Variants in NRXN2 observed in about 807,000 individuals in gnomAD.
NRXN2 encodes the protein neurexin 2.
In NRXN2, 29 loss-of-function variants were observed where a neutral mutation model predicts 128.8. The observed-to-expected ratio is 0.23, with a 90% CI of 0.17 to 0.31. The LOEUF (loss-of-function observed/expected upper bound fraction) is 0.31, where lower values mean the gene tolerates loss of function less well. NRXN2 is among the 10% of genes least tolerant of loss of function. NRXN2 has a pLI of 1.00. For missense variants in NRXN2, 1,881 were observed against 2,452.6 expected (o/e 0.77, Z 4.92); for synonymous variants, 1,098 against 1,075.2 (o/e 1.02, Z -0.41).
At chr11:64,661,409 C>G in intron 9 of NRXN2, 1 of 1,375,746 alleles carries the variant, frequency 7.3e-7, no homozygotes, top group South Asian at 1.5e-5. Context: ...CCCCTCCTCC[C>G]CACCTCAGCA....
intron 11 of NRXN2, 137 bp from the exon 12 acceptor site, chr11:64,653,859 G>A (rs780255352): frequency 3.9e-5 from 25 of 638,620 alleles, no homozygotes; most frequent in South Asian, 2.8e-4. Context: ...GGGACCACGC[G>A]TGCCCAGGTG....
At chr11:64,640,237 C>T (rs2045460724) in intron 17 of NRXN2, among the ~76,000 whole-genome samples, 1 of 152,178 alleles carries the variant, frequency 6.6e-6, no homozygotes, top group African/African-American at 2.4e-5. Flanking sequence ...CTCTTCTGGC[C>T]ACTTTCAATC....
chr11:64,720,569 T>C (rs1191280273), intron 1 of NRXN2, among the ~76,000 whole-genome samples: 1 of 151,218 alleles, frequency 6.6e-6, no homozygotes, highest in Non-Finnish European at 1.5e-5. Flanking sequence ...CCAGGAGGGG[T>C]AGGAGGCCCT....
chr11:64,720,152 C>T (rs530455764), intron 1 of NRXN2, among the ~76,000 whole-genome samples: 13 of 152,228 alleles, frequency 8.5e-5, no homozygotes, highest in Non-Finnish European at 1.8e-4. Context: ...CCCACCTTCA[C>T]CCTCACCCCA....
At chr11:64,712,309 T>C (rs2135671712) in intron 2 of NRXN2, among the ~76,000 whole-genome samples, 1 of 148,378 alleles carries the variant, frequency 6.7e-6, no homozygotes, top group African/African-American at 2.5e-5. Context: ...ACACTGGCCT[T>C]CCACACAGGC....
At chr11:64,675,250 AG>A (rs1190188296) in intron 7 of NRXN2, 1 of 152,338 alleles carries the variant, frequency 6.6e-6, no homozygotes, top group African/African-American at 2.4e-5. Context: ...TGGAACACCA[AG>A]ACCACTGGGA....
At chr11:64,721,298 G>A (rs941398400) in intron 1 of NRXN2, among the ~76,000 whole-genome samples, 6 of 151,836 alleles carry the variant, frequency 4.0e-5, no homozygotes, top group Non-Finnish European at 4.4e-5. Context: ...CCAGCCACTC[G>A]CGCACCCAGC....
chr11:64,712,939 A>G, intron 2 of NRXN2, 31 bp downstream of exon 2: 2 of 1,492,872 alleles, frequency 1.3e-6, no homozygotes, highest in Admixed American at 2.1e-5. Context: ...CCCCGCGCCC[A>G]GGCACCGGGC....
rs2046989549 is a variant in NRXN2 at position 64,648,248 on chromosome 11, G to C, written c.3374C>G (p.Thr1125Ser). 6.2e-7 allele frequency: 1 copy of C among 1,614,110 alleles called. No homozygotes were observed. The highest frequency in any genetic ancestry group is 1.3e-5 in the African/African-American group (1 of 74,942). The change falls in exon 17 of 23, where the codon ACT (threonine) becomes AGT (serine). Residue 1125 changes from threonine (T) to serine (S), a missense_variant. Thr to Ser is a moderately conservative substitution (Grantham distance 58). Transcript: ENST00000265459. This position sits in a 1 kb window ranked among gnomAD's most constrained non-coding sequence, Gnocchi z 4.1. ...WDGFTCDCTM[T>S]SYGGPVCNDP... ...ATTGCAGACAGGGCCTCCATAGGAAGTCATGGTGCAGTCGCAGGTGAAGCC... is the reference window on the plus strand; with the variant it reads ...ATTGCAGACAGGGCCTCCATAGGAACTCATGGTGCAGTCGCAGGTGAAGCC...
At chr11:64,643,136 G>T (rs1156348322) in intron 17 of NRXN2, 1 of 981,018 alleles carries the variant, frequency 1.0e-6, no homozygotes, top group African/African-American at 1.8e-5. Context: ...GCATGGTGCC[G>T]AGTGGAGAGG....
Position 64,648,821 on chromosome 11 carries a change from G to A in NRXN2, c.3196C>T (p.Leu1066=), listed in dbSNP as rs1056603776. 34 of 1,614,194 alleles carry A rather than the reference G, an allele frequency of 2.1e-5. No individual in the cohort carries two copies. The highest frequency in any genetic ancestry group is 2.6e-5 in the Non-Finnish European group (31 of 1,180,028). Residue 1066 remains leucine, a synonymous_variant, in exon 16 of 23, where the codon CTG becomes TTG. Transcript: ENST00000265459. The surrounding 1 kb of genome is among the most constrained non-coding windows in gnomAD (Gnocchi z 4.1). ...CGTCCGTTGAGGTCCACTGAGGCCA[G>A]GCAGCCCTGAAAGCCATCCCGGGAG... is the stretch of plus-strand genomic sequence containing the variant. The part of the protein sequence containing the change: ...VASRDGFQGC[L]ASVDLNGRLP...
chr11:64,721,094 G>C (rs948583741), intron 1 of NRXN2, among the ~76,000 whole-genome samples: 1 of 151,930 alleles, frequency 6.6e-6, no homozygotes, highest in African/African-American at 2.4e-5. Context: ...TCTCTGGGTG[G>C]GGAGTGTGGG....
intron 22 of NRXN2, among the ~76,000 whole-genome samples, chr11:64,620,082 A>AC (rs1432343397): frequency 6.6e-6 from 1 of 152,232 alleles, no homozygotes; most frequent in Middle Eastern, 3.4e-3. Flanking sequence ...CAGGCTAAGG[A>AC]CCTCACTACC....
chr11:64,626,860 T>A (rs2043132076), intron 19 of NRXN2, among the ~76,000 whole-genome samples: 1 of 152,144 alleles, frequency 6.6e-6, no homozygotes. Context: ...CAGGTTTATC[T>A]GTGGTTAAGC....
At chr11:64,620,393 T>G (rs1053457192) in intron 21 of NRXN2, 21 bp from the exon 22 acceptor site, 27 of 1,546,180 alleles carry the variant, frequency 1.7e-5, no homozygotes, top group Non-Finnish European at 2.0e-5. Context: ...AGAGAAGGGG[T>G]GGGGAAAGAG....
intron 11 of NRXN2, among the ~76,000 whole-genome samples, chr11:64,657,016 G>C (rs1481737018): frequency 6.6e-6 from 1 of 152,188 alleles, no homozygotes; most frequent in Non-Finnish European, 1.5e-5. Flanking sequence ...GCCCAGCCTG[G>C]GGCCTGTTTC....
intron 2 of NRXN2, among the ~76,000 whole-genome samples, chr11:64,700,481 C>T (rs904087916): frequency 6.6e-6 from 1 of 152,166 alleles, no homozygotes; most frequent in Non-Finnish European, 1.5e-5. Flanking sequence ...ACCGTACTGA[C>T]CCTCACATGC....
chr11:64,651,490 G>C lies in NRXN2; in HGVS notation c.2683C>G (p.Gln895Glu). Residue 895 changes from glutamine to glutamate, a missense_variant, in exon 14 of 23, where the codon CAG becomes GAG. Coordinates refer to ENST00000265459, the MANE Select transcript of NRXN2 (RefSeq NM_015080.4). The surrounding 1 kb of genome is among the most constrained non-coding windows in gnomAD (Gnocchi z 5.9). Reference protein sequence around the residue: ...LVFNGQPYMDQCKDGDITYCE... With the variant: ...LVFNGQPYMDECKDGDITYCE... Reference sequence around the variant, plus strand: ...TAGGTGATGTCACCATCCTTGCACTGGTCCATGTAGGGCTGGCCATTGAAC... The same window carrying C: ...TAGGTGATGTCACCATCCTTGCACTCGTCCATGTAGGGCTGGCCATTGAAC... The C allele has an allele frequency of 6.2e-7, 1 of 1,614,158 alleles. No individual in the cohort carries two copies. Among genetic ancestry groups the C allele is most frequent in the Non-Finnish European group, 8.5e-7 (1 of 1,180,010 alleles).
chr11:64,716,025 C>T lies in NRXN2; in HGVS notation c.-244-2082G>A, dbSNP rs142695338. Among the ~76,000 whole-genome samples, 319 of 152,194 alleles carry T rather than the reference C, an allele frequency of 2.1e-3. 1 individual carries two copies. Among genetic ancestry groups the T allele is most frequent in the African/African-American group, 7.4e-3 (309 of 41,522 alleles). On this transcript the variant is annotated intron_variant, in intron 1 of 22. Coordinates refer to ENST00000265459, the MANE Select transcript of NRXN2 (RefSeq NM_015080.4). Reference sequence around the variant, plus strand: ...CTAAGCTTTCCCTCTTTTCCAGAAGCGGTAGCCAAAGACCCTCAGCAAAGG... The same window carrying T: ...CTAAGCTTTCCCTCTTTTCCAGAAGTGGTAGCCAAAGACCCTCAGCAAAGG...
Sources: allele counts gnomAD v4.1 joint callset (sites outside exome capture counted in the v4.1 genomes callset), GRCh38; gene constraint gnomAD v4.1.1; non-coding constraint Gnocchi (gnomAD v3.1); transcripts MANE v1.5; gene names NCBI Gene and HGNC (gene_info 2026-07-23, HGNC 2026-07-21).